The following AGPAT5 variants were observed in gnomAD, a reference collection of about 807,000 sequenced individuals.
AGPAT5 encodes the protein 1-acyl-sn-glycerol-3-phosphate acyltransferase epsilon.
AGPAT5 carries 46 observed loss-of-function variants against 45.6 expected under a neutral mutation model. The observed-to-expected ratio is 1.01, with a 90% CI of 0.80 to 1.29. AGPAT5 has a LOEUF of 1.29. AGPAT5 is among the 50% of genes most tolerant of loss of function. The pLI is 0.00. For synonymous variants in AGPAT5, 272 were observed against 167.0 expected, an observed-to-expected ratio of 1.63 and a Z score of -4.85; for missense variants, 673 against 450.7, an observed-to-expected ratio of 1.49 and a Z score of -4.47.
At chr8:6,737,081 G>C (rs1251524722) in intron 4 of AGPAT5, among the ~76,000 whole-genome samples, 2 of 152,132 alleles carry the variant, frequency 1.3e-5, no homozygotes, top group Admixed American at 6.6e-5. Context: ...TCTGGTTATG[G>C]GCTACGAGAA....
chr8:6,731,564 A>G lies in AGPAT5; in HGVS notation c.405+738A>G, dbSNP rs188589235. 2.9e-3 allele frequency among the ~76,000 whole-genome samples: 434 copies of G among 150,942 alleles called. 2 individuals are homozygous for G. The highest frequency in any genetic ancestry group is 0.027 in the Middle Eastern group (8 of 294). Reference sequence around the variant, plus strand: ...ATTTTTATTTGTTCACATATTTTTGATCTGTGATTTGTTGAATCTGCAGAT... The same window carrying G: ...ATTTTTATTTGTTCACATATTTTTGGTCTGTGATTTGTTGAATCTGCAGAT... On this transcript the variant is annotated intron_variant, in intron 3 of 7. Transcript: ENST00000285518.
Position 6,748,791 on chromosome 8 carries a change from C to G in AGPAT5, c.745+963C>G, listed in dbSNP as rs567698926. On this transcript the variant is annotated intron_variant, in intron 6 of 7. Coordinates refer to ENST00000285518, the MANE Select transcript of AGPAT5 (RefSeq NM_018361.5). ...AATGAGCTTTGTGTTTTTACCTCAT[C>G]AGCTGTTTGGGGTTGAGCCACTATG... is the stretch of plus-strand genomic sequence containing the variant. Among the ~76,000 whole-genome samples the G allele has an allele frequency of 2.5e-4, 38 of 152,266 alleles. 1 individual carries two copies. Among genetic ancestry groups the G allele is most frequent in the African/African-American group, 8.9e-4 (37 of 41,544 alleles).
intron 6 of AGPAT5, among the ~76,000 whole-genome samples, chr8:6,748,495 G>T (rs1350138064): frequency 1.3e-5 from 2 of 151,942 alleles, no homozygotes; most frequent in African/African-American, 4.8e-5. Context: ...GCTTCATGGG[G>T]TTTTTTTGTT....
At chr8:6,748,368 C>T (rs1038253247) in intron 6 of AGPAT5, among the ~76,000 whole-genome samples, 6 of 152,160 alleles carry the variant, frequency 3.9e-5, no homozygotes, top group African/African-American at 1.4e-4. Context: ...ACTAACCAAA[C>T]ATAGTGTTAG....
rs998853090 is a variant in AGPAT5, at chr8:6,747,972, G to C, written c.745+144G>C. The C allele has an allele frequency of 6.6e-6, 6 of 906,158 alleles. No homozygotes were observed. The African/African-American group carries it at 1.0e-4, about 15-fold the overall frequency. 56.1% of individuals were successfully genotyped at this position (906,158 alleles called of 1,614,324 possible). ...GGTATATTTTTCAAGATGTTATTAA[G>C]ATGTAACAGTGGAGATTTCATTAGT... is the stretch of plus-strand genomic sequence containing the variant. On this transcript the variant is annotated intron_variant, in intron 6 of 7. Coordinates refer to ENST00000285518, the MANE Select transcript of AGPAT5 (RefSeq NM_018361.5).
At chr8:6,715,307 G>A (rs899263473) in intron 1 of AGPAT5, among the ~76,000 whole-genome samples, 1 of 152,186 alleles carries the variant, frequency 6.6e-6, no homozygotes, top group South Asian at 2.1e-4. Context: ...CAGCTTGGAA[G>A]GTAATGTAGT....
intron 2 of AGPAT5, among the ~76,000 whole-genome samples, chr8:6,727,234 A>G (rs558114840): frequency 5.1e-4 from 78 of 152,334 alleles, no homozygotes; most frequent in African/African-American, 1.8e-3. Context: ...CATTTAAATT[A>G]GTCTCTCTCT....
chr8:6,708,919 T>G (rs1800035707), intron 1 of AGPAT5, 32 bp downstream of exon 1: 1 of 1,579,178 alleles, frequency 6.3e-7, no homozygotes, highest in African/African-American at 1.4e-5. Context: ...GGTCTCGGCG[T>G]CCACCCGAGC....
intron 5 of AGPAT5, among the ~76,000 whole-genome samples, chr8:6,742,642 A>C (rs1801278360): frequency 6.6e-6 from 1 of 152,236 alleles, no homozygotes; most frequent in Non-Finnish European, 1.5e-5. Flanking sequence ...TGAGCATTCA[A>C]CATGTGACTA....
chr8:6,710,128 T>TA (rs58808781), intron 1 of AGPAT5, among the ~76,000 whole-genome samples: 5,781 of 152,256 alleles, frequency 0.038, 250 homozygotes, highest in East Asian at 0.13. Context: ...ATTCACCTCT[T>TA]AAAAAAATAA....
intron 6 of AGPAT5, among the ~76,000 whole-genome samples, chr8:6,752,443 C>T (rs1801686602): frequency 6.6e-6 from 1 of 152,098 alleles, no homozygotes; most frequent in Non-Finnish European, 1.5e-5. Context: ...CTGTACATGT[C>T]AGTATATATA....
chr8:6,738,610 A>T (rs1801135055), intron 4 of AGPAT5: 1 of 152,220 alleles, frequency 6.6e-6, no homozygotes, highest in Admixed American at 6.5e-5. Context: ...GGGTTGTCAT[A>T]AACCTTCAAT....
chr8:6,714,497 C>T (rs1487175359), intron 1 of AGPAT5, among the ~76,000 whole-genome samples: 1 of 152,140 alleles, frequency 6.6e-6, no homozygotes. Context: ...TGTGAACAAA[C>T]CAGTTATTTC....
chr8:6,755,161 G>T lies in AGPAT5; in HGVS notation c.856G>T (p.Glu286Ter), dbSNP rs202152371. The T allele has an allele frequency of 6.3e-7, 1 of 1,597,890 alleles. No individual in the cohort carries two copies. Among genetic ancestry groups the T allele is most frequent in the Non-Finnish European group, 8.5e-7 (1 of 1,177,052 alleles). ...HMRRWLHERF[E>*]IKDKMLIEFY... ...GAGAAGATGGCTGCATGAACGTTTC[G>T]AAATCAAAGATAAGTGAGTAACAAC... The change falls in exon 7 of 8, where the codon GAA becomes TAA. Residue 286 changes from glutamate (E) to a stop codon, truncating the protein, a stop_gained. Transcript: ENST00000285518. LOFTEE classifies it high-confidence loss of function.
intron 4 of AGPAT5, among the ~76,000 whole-genome samples, chr8:6,735,093 G>T (rs1801002725): frequency 6.6e-6 from 1 of 152,134 alleles, no homozygotes; most frequent in African/African-American, 2.4e-5. Flanking sequence ...AGCCTTCTCT[G>T]ATCCTGCCTT....
chr8:6,713,536 C>A (rs566994778), intron 1 of AGPAT5, among the ~76,000 whole-genome samples: 2 of 152,186 alleles, frequency 1.3e-5, no homozygotes, highest in East Asian at 3.9e-4. Context: ...CTCTAATATG[C>A]CCTTAACTTC....
intron 5 of AGPAT5, among the ~76,000 whole-genome samples, chr8:6,745,592 C>T (rs1801415851): frequency 6.6e-6 from 1 of 152,126 alleles, no homozygotes; most frequent in African/African-American, 2.4e-5. Context: ...TATAATTTTT[C>T]TTGTTGAAGA....
At chr8:6,749,883 C>T (rs966354659) in intron 6 of AGPAT5, among the ~76,000 whole-genome samples, 1 of 152,216 alleles carries the variant, frequency 6.6e-6, no homozygotes, top group African/African-American at 2.4e-5. Flanking sequence ...TGGGTAAGGC[C>T]AGCCTCTGTT....
At chr8:6,743,748 C>A (rs1364817940) in intron 5 of AGPAT5, among the ~76,000 whole-genome samples, 1 of 149,554 alleles carries the variant, frequency 6.7e-6, no homozygotes, top group Non-Finnish European at 1.5e-5. Context: ...CCACCTGGAC[C>A]CATTAAAGTA....
Sources: gnomAD v4.1 joint callset for allele counts (sites outside exome capture counted in the v4.1 genomes callset) on GRCh38, gnomAD v4.1.1 for gene constraint, MANE v1.5 for transcripts, NCBI Gene and HGNC (gene_info 2026-07-23, HGNC 2026-07-21) for gene names.